The following PLAC1 variants were observed in gnomAD, a reference collection of about 807,000 sequenced individuals.
The protein encoded by PLAC1 is placenta associated 1, also known as placenta-specific protein 1.
For synonymous variants in PLAC1, 68 were observed against 62.1 expected, an observed-to-expected ratio of 1.09 and a Z score of -0.44; for missense variants, 136 against 163.2, an observed-to-expected ratio of 0.83 and a Z score of 0.91.
intron 1 of PLAC1, among the ~76,000 whole-genome samples, chrX:134,753,061 A>G (rs2078748365): frequency 9.0e-6 from 1 of 111,335 alleles, no homozygotes; most frequent in East Asian, 2.8e-4. Context: ...TCTCTTTAAA[A>G]AAAGAAAGAA....
chrX:134,591,945 T>C (rs2078040928), intron 2 of PLAC1, among the ~76,000 whole-genome samples: 1 of 112,670 alleles, frequency 8.9e-6, no homozygotes, highest in Admixed American at 9.4e-5. Flanking sequence ...TGTTTCCTCT[T>C]TGGTTAAATG....
intron 1 of PLAC1, among the ~76,000 whole-genome samples, chrX:134,750,067 GA>G (rs1184215679): frequency 6.4e-5 from 7 of 108,960 alleles, no homozygotes; most frequent in Admixed American, 5.9e-4. Flanking sequence ...AAATTCATCA[GA>G]AAAAAAAACC....
intron 1 of PLAC1, among the ~76,000 whole-genome samples, chrX:134,636,840 T>C (rs944244955): frequency 1.8e-5 from 2 of 112,186 alleles, no homozygotes; most frequent in Non-Finnish European, 3.8e-5. Flanking sequence ...AAATGATGTG[T>C]TACCCTACAC....
At chrX:134,671,333 G>A (rs1280563140) in intron 2 of PLAC1, among the ~76,000 whole-genome samples, 8 of 111,896 alleles carry the variant, frequency 7.1e-5, no homozygotes, top group African/African-American at 9.8e-5. Flanking sequence ...TAAAAGTGGG[G>A]AACAGGGGGG....
intron 1 of PLAC1, among the ~76,000 whole-genome samples, chrX:134,631,815 C>T (rs1366590960): frequency 8.9e-6 from 1 of 112,105 alleles, no homozygotes; most frequent in South Asian, 3.7e-4. Context: ...CGGGCTTTAA[C>T]GTTGCAGCTG....
At chrX:134,580,654 G>GA (rs1479063113) in intron 2 of PLAC1, among the ~76,000 whole-genome samples, 3 of 111,440 alleles carry the variant, frequency 2.7e-5, no homozygotes, top group Non-Finnish European at 5.6e-5. Flanking sequence ...TCAAGCAGGG[G>GA]AAATTGAGAA....
intron 1 of PLAC1, among the ~76,000 whole-genome samples, chrX:134,611,322 T>C: frequency 9.0e-6 from 1 of 110,616 alleles, no homozygotes; most frequent in Non-Finnish European, 1.9e-5. Context: ...ATGTAATTTA[T>C]GTATGAGAGA....
intron 2 of PLAC1, among the ~76,000 whole-genome samples, chrX:134,574,457 C>T (rs2077927117): frequency 8.9e-6 from 1 of 111,957 alleles, no homozygotes; most frequent in African/African-American, 3.3e-5. Flanking sequence ...CCTGGGGTAG[C>T]AGTAGAGCCT....
At chrX:134,638,811 G>A (rs1602864257) in intron 1 of PLAC1, among the ~76,000 whole-genome samples, 1 of 110,748 alleles carries the variant, frequency 9.0e-6, no homozygotes, top group South Asian at 3.8e-4. Flanking sequence ...AGGTTCAGGA[G>A]TACATGTGTA....
chrX:134,706,232 A>G (rs1202284585), intron 2 of PLAC1, among the ~76,000 whole-genome samples: 1 of 113,011 alleles, frequency 8.8e-6, no homozygotes, highest in Admixed American at 9.3e-5. Context: ...GCAAAGGCTG[A>G]GTGGGGAGGC....
In PLAC1 at chrX:134,566,565, G is replaced by T. The variant is rs763095116; in HGVS notation, c.118C>A (p.His40Asn). The T allele has an allele frequency of 5.0e-6, 6 of 1,209,900 alleles. No individual in the cohort carries two copies. In the South Asian group the frequency reaches 1.1e-4, roughly 21 times the overall value. ...CSIDWFMVTV[H>N]PFMLNNDVCV... ...ACATCGTTGTTTAGCATGAAGGGGT[G>T]CACTGTGACCATGAACCAGTCTATG... Residue 40 changes from histidine to asparagine, a missense_variant, in exon 3 of 3, where the codon CAC becomes AAC. Physicochemically the swap from His to Asn is moderately conservative, Grantham distance 68 (BLOSUM62 1). Coordinates refer to ENST00000359237, the MANE Select transcript of PLAC1 (RefSeq NM_021796.4).
intron 1 of PLAC1, among the ~76,000 whole-genome samples, chrX:134,654,835 T>C (rs1053077130): frequency 4.4e-5 from 5 of 112,547 alleles, no homozygotes; most frequent in African/African-American, 1.6e-4. Flanking sequence ...ATTTCCTGTG[T>C]AAAATGCACT....
chrX:134,750,827 AT>A (rs2078740068), intron 1 of PLAC1, among the ~76,000 whole-genome samples: 1 of 33,531 alleles, frequency 3.0e-5, no homozygotes, highest in African/African-American at 1.8e-4. Flanking sequence ...ATATATATAT[AT>A]ATATATTTAT....
At chrX:134,752,159 A>G (rs2078746308) in intron 1 of PLAC1, among the ~76,000 whole-genome samples, 1 of 112,228 alleles carries the variant, frequency 8.9e-6, no homozygotes, top group African/African-American at 3.2e-5. Context: ...TGTCCATATA[A>G]CAATTCTGCT....
Position 134,735,480 on chromosome X carries a change from T to C in PLAC1, n.90-1961A>G, listed in dbSNP as rs755922779. 9.2e-5 allele frequency among the ~76,000 whole-genome samples: 10 copies of C among 108,921 alleles called. No homozygotes were observed. In the East Asian group the frequency reaches 2.9e-3, roughly 31 times the overall value. The allele number at this position is 108,921 out of a possible 115,157, so 94.6% of individuals were successfully genotyped here. A position where few individuals can be genotyped will look rare whatever the true frequency, so the allele number is the denominator to read the frequency against. On this transcript the variant is annotated intron_variant and non_coding_transcript_variant, in intron 1 of 2. Transcript: ENST00000466797. ...AAGAACTGGAGAAAGAATTAGAGGG[T>C]CGAAATAGTGTTTAACAGACTACTT...
intron 1 of PLAC1, among the ~76,000 whole-genome samples, chrX:134,655,368 T>C (rs868654806): frequency 1.0e-5 from 1 of 96,996 alleles, no homozygotes; most frequent in African/African-American, 3.9e-5. Context: ...CACACACATA[T>C]ATTTGAAGGT....
At chrX:134,637,170 C>T (rs2078287386) in intron 1 of PLAC1, among the ~76,000 whole-genome samples, 1 of 111,915 alleles carries the variant, frequency 8.9e-6, no homozygotes, top group Non-Finnish European at 1.9e-5. Context: ...ACATGGAGTC[C>T]CTCATGAGCT....
chrX:134,585,175 CAAAAAAAAAA>C (rs56343935), intron 2 of PLAC1, among the ~76,000 whole-genome samples: 1 of 33,492 alleles, frequency 3.0e-5, no homozygotes, highest in East Asian at 1.2e-3. Context: ...ACTAAAAGTA[CAAAAAAAAAA>C]AAAAAAAAAA....
chrX:134,735,658 A>AAGAGAGAGAG (rs369034725), intron 1 of PLAC1, among the ~76,000 whole-genome samples: 1 of 105,827 alleles, frequency 9.4e-6, no homozygotes, highest in Non-Finnish European at 2.0e-5. Flanking sequence ...AAGAGAGAGG[A>AAGAGAGAGAG]AGAGAGAGAG....
Sources: gnomAD v4.1 joint callset for allele counts (sites outside exome capture counted in the v4.1 genomes callset) on GRCh38, gnomAD v4.1.1 for gene constraint, MANE v1.5 for transcripts, NCBI Gene and HGNC (gene_info 2026-07-23, HGNC 2026-07-21) for gene names.